KANSL1: variants seen among roughly 807,000 people sequenced by gnomAD.
The protein encoded by KANSL1 is KAT8 regulatory NSL complex subunit 1, also known as MLL1/MLL complex subunit KANSL1.
KANSL1 carries 22 observed loss-of-function variants against 103.6 expected under a neutral mutation model. That is an observed-to-expected ratio of 0.21 (90% CI 0.15 to 0.30). The LOEUF is 0.30. Ranked by LOEUF, KANSL1 falls within the 10% of genes least tolerant of loss-of-function variation. The pLI, the probability that KANSL1 is intolerant of heterozygous loss-of-function variation, is 1.00. For missense variants in KANSL1, 1,337 were observed against 1,399.8 expected (o/e 0.96, Z 0.72); for synonymous variants, 600 against 527.6 (o/e 1.14, Z -1.88).
intron 1 of KANSL1, among the ~76,000 whole-genome samples, chr17:46,219,786 G>C (rs1397049916): frequency 2.0e-5 from 3 of 152,224 alleles, no homozygotes; most frequent in Non-Finnish European, 4.4e-5. Flanking sequence ...TTTTGCGTGT[G>C]TATCCCCTCA....
chr17:46,059,666 A>AGAG, intron 6 of KANSL1, among the ~76,000 whole-genome samples: 1 of 144,670 alleles, frequency 6.9e-6, no homozygotes, highest in Admixed American at 6.9e-5. Context: ...AGAGAGAGAG[A>AGAG]AAAGGAAACT....
In KANSL1 at chr17:46,103,602, C is replaced by T. The variant is rs149201119; in HGVS notation, c.1290-8901G>A. Among the ~76,000 whole-genome samples the T allele has an allele frequency of 6.3e-3, 959 of 152,304 alleles. 6 individuals are homozygous for T. The highest frequency in any genetic ancestry group is 7.9e-3 in the Non-Finnish European group (537 of 68,018). ...CTTAATACATCACAAGCTCGTAACA[C>T]GCTCCTCCTCATTTTCTTTCCTCAC... is the stretch of plus-strand genomic sequence containing the variant. On this transcript the variant is annotated intron_variant, in intron 2 of 14. Transcript: ENST00000432791.
At chr17:46,068,013 G>A (rs1157246723) in intron 4 of KANSL1, among the ~76,000 whole-genome samples, 1 of 152,064 alleles carries the variant, frequency 6.6e-6, no homozygotes, top group African/African-American at 2.4e-5. Context: ...TGCTTTGGGG[G>A]GAAGAGGGAT....
In KANSL1 at chr17:46,207,206, T is replaced by A. The variant is rs1263424423; in HGVS notation, c.-90+16465A>T. 7.9e-5 allele frequency among the ~76,000 whole-genome samples: 12 copies of A among 152,250 alleles called. No homozygotes were observed. In the South Asian group the frequency reaches 2.5e-3, roughly 32 times the overall value. On this transcript the variant is annotated intron_variant, in intron 1 of 14. Transcript: ENST00000572904. ...AGAAGGAACCCTTGAGTCCAGGAGT[T>A]TGAAGTTCCAGAAACTATGATTGGG...
chr17:46,072,442 A>G (rs895270869), intron 4 of KANSL1, among the ~76,000 whole-genome samples: 1 of 152,166 alleles, frequency 6.6e-6, no homozygotes, highest in Non-Finnish European at 1.5e-5. Context: ...ATTAAAATGG[A>G]AAGAAAATGC....
Position 46,097,208 on chromosome 17 carries a change from T to G in KANSL1, c.1290-2507A>C, listed in dbSNP as rs543370511. Among the ~76,000 whole-genome samples the G allele has an allele frequency of 3.3e-5, 5 of 152,308 alleles. No homozygotes were observed. The South Asian group carries it at 1.0e-3, about 32-fold the overall frequency. On this transcript the variant is annotated intron_variant, in intron 2 of 14. Coordinates refer to ENST00000432791, the MANE Select transcript of KANSL1 (RefSeq NM_015443.4). The stretch of plus-strand genomic sequence containing the variant: ...TCTATAGTAATAAAAATAAACGACA[T>G]CTGTATGTATCAACATGATTAAATC...
chr17:46,107,802 T>C (rs1026225271), intron 2 of KANSL1, among the ~76,000 whole-genome samples: 1 of 152,220 alleles, frequency 6.6e-6, no homozygotes, highest in Non-Finnish European at 1.5e-5. Flanking sequence ...AACTCCTATA[T>C]GCCATCCCAA....
rs900527018 is a variant in KANSL1 at position 46,063,005 on chromosome 17, G to A, written c.1848+3532C>T. 6.6e-5 allele frequency among the ~76,000 whole-genome samples: 10 copies of A among 152,244 alleles called. No individual in the cohort carries two copies. In the East Asian group the frequency reaches 7.8e-4, roughly 12 times the overall value. Reference sequence around the variant, plus strand: ...GAGGAGGTTGCAGTGAGCCGAGATCGCACCATTGCACTCCAGCCTGAGCAA... The same window carrying A: ...GAGGAGGTTGCAGTGAGCCGAGATCACACCATTGCACTCCAGCCTGAGCAA... On this transcript the variant is annotated intron_variant, in intron 6 of 14. Coordinates refer to ENST00000432791, the MANE Select transcript of KANSL1 (RefSeq NM_015443.4).
intron 2 of KANSL1, among the ~76,000 whole-genome samples, chr17:46,147,055 T>C (rs1237370968): frequency 6.6e-6 from 1 of 151,758 alleles, no homozygotes; most frequent in African/African-American, 2.4e-5. Context: ...ATAAATCACA[T>C]AAAAAATAAA....
intron 2 of KANSL1, among the ~76,000 whole-genome samples, chr17:46,114,526 C>G (rs1237832867): frequency 6.6e-6 from 1 of 152,158 alleles, no homozygotes; most frequent in Non-Finnish European, 1.5e-5. Flanking sequence ...CAAATTCTCC[C>G]TAGGACTTCT....
intron 2 of KANSL1, among the ~76,000 whole-genome samples, chr17:46,146,862 T>C (rs963677377): frequency 6.8e-6 from 1 of 146,694 alleles, no homozygotes; most frequent in African/African-American, 2.6e-5. Context: ...AAAAAAGAAG[T>C]TGACAGGCCT....
At chr17:46,109,382 A>T (rs369612510) in intron 2 of KANSL1, among the ~76,000 whole-genome samples, 4 of 152,300 alleles carry the variant, frequency 2.6e-5, no homozygotes, top group African/African-American at 9.6e-5. Context: ...TTTGCAAACC[A>T]CTTACTAACA....
chr17:46,045,854 G>C (rs1034100242), intron 7 of KANSL1: 6 of 152,268 alleles, frequency 3.9e-5, no homozygotes, highest in Admixed American at 3.9e-4. Flanking sequence ...ATTTGCAACT[G>C]TATGTGGTAA....
At chr17:46,207,411 G>A (rs2048006437) in intron 1 of KANSL1, among the ~76,000 whole-genome samples, 1 of 151,866 alleles carries the variant, frequency 6.6e-6, no homozygotes, top group Non-Finnish European at 1.5e-5. Context: ...TTGGGAGGCT[G>A]AGGCAGAGAA....
chr17:46,076,312 T>C (rs576365364), intron 4 of KANSL1, among the ~76,000 whole-genome samples: 1 of 151,738 alleles, frequency 6.6e-6, no homozygotes, highest in African/African-American at 2.4e-5. Context: ...CTGGCCAACA[T>C]GGTGAAACCC....
In KANSL1 at chr17:46,171,940, G is replaced by A. The variant is rs776521460; in HGVS notation, c.204C>T (p.Thr68=). 3 of 1,614,256 alleles carry A rather than the reference G, an allele frequency of 1.9e-6. No homozygotes were observed. The highest frequency in any genetic ancestry group is 2.5e-6 in the Non-Finnish European group (3 of 1,180,054). The change falls in exon 2 of 15, where the codon ACC becomes ACT. Residue 68 remains threonine, a synonymous_variant. Coordinates refer to ENST00000432791, the MANE Select transcript of KANSL1 (RefSeq NM_015443.4). ...DPSLDFRNNP[T]KEDLGKLQPL... The stretch of plus-strand genomic sequence containing the variant: ...GTTGCAGCTTTCCCAAGTCTTCCTT[G>A]GTAGGATTATTTCGGAAATCTAGGC...
At chr17:46,182,381 C>A (rs2046834076) in intron 1 of KANSL1, among the ~76,000 whole-genome samples, 1 of 152,204 alleles carries the variant, frequency 6.6e-6, no homozygotes, top group South Asian at 2.1e-4. Flanking sequence ...TGAAGTACTG[C>A]AAGCTACATT....
At chr17:46,150,380 C>T (rs1355827112) in intron 2 of KANSL1, among the ~76,000 whole-genome samples, 2 of 152,144 alleles carry the variant, frequency 1.3e-5, no homozygotes, top group Non-Finnish European at 2.9e-5. Context: ...AGCAGAACTT[C>T]TATGGCACTT....
At chr17:46,095,466 GA>G (rs1362774322) in intron 2 of KANSL1, among the ~76,000 whole-genome samples, 2 of 152,170 alleles carry the variant, frequency 1.3e-5, no homozygotes, top group Non-Finnish European at 2.9e-5. Context: ...ATACATAAAA[GA>G]TAACGGGAAA....
Sources: gnomAD v4.1 joint callset for allele counts (sites outside exome capture counted in the v4.1 genomes callset) on GRCh38, gnomAD v4.1.1 for gene constraint, MANE v1.5 for transcripts, NCBI Gene and HGNC (gene_info 2026-07-23, HGNC 2026-07-21) for gene names.